FIGN: variants seen among roughly 807,000 people sequenced by gnomAD.
FIGN encodes fidgetin.
Under a neutral mutation model 51.3 loss-of-function variants are expected in FIGN, and 11 were observed. That is an observed-to-expected ratio of 0.21 (90% confidence interval 0.13 to 0.35). FIGN has a LOEUF of 0.35. FIGN is among the 10% of genes least tolerant of loss of function. The pLI is 1.00. For missense variants in FIGN, 857 were observed against 943.6 expected (o/e 0.91, Z 1.20); for synonymous variants, 407 against 363.2 (o/e 1.12, Z -1.37).
At position 163,714,872 on chromosome 2, in the gene FIGN, C is replaced by T. The variant is rs73974383; in HGVS notation, c.25+20031G>A. Among the ~76,000 whole-genome samples, 428 of 152,230 alleles carry T rather than the reference C, an allele frequency of 2.8e-3. 1 individual carries two copies. Among genetic ancestry groups the T allele is most frequent in the African/African-American group, 9.9e-3 (413 of 41,526 alleles). On this transcript the variant is annotated intron_variant, in intron 2 of 2. Coordinates refer to ENST00000333129, the MANE Select transcript of FIGN (RefSeq NM_018086.4). ...AAGTTTAAAACAATGACCACTATAG[C>T]ATTCCAAATTAAACATTTATGCATA...
intron 2 of FIGN, among the ~76,000 whole-genome samples, chr2:163,720,593 C>T (rs1026332162): frequency 6.6e-6 from 1 of 152,126 alleles, no homozygotes; most frequent in African/African-American, 2.4e-5. Context: ...TCAAACCAAA[C>T]TTAACCCCTA....
chr2:163,629,723 A>G (rs1683114572), intron 2 of FIGN, among the ~76,000 whole-genome samples: 1 of 152,112 alleles, frequency 6.6e-6, no homozygotes, highest in Admixed American at 6.6e-5. Flanking sequence ...CAGAGACCAT[A>G]TGGCCCACAT....
intron 2 of FIGN, among the ~76,000 whole-genome samples, chr2:163,674,749 CTT>C (rs1024761200): frequency 2.6e-5 from 4 of 151,932 alleles, no homozygotes; most frequent in African/African-American, 9.7e-5. Flanking sequence ...TTTTGGATTT[CTT>C]TAGTGCCTTC....
intron 2 of FIGN, among the ~76,000 whole-genome samples, chr2:163,669,464 C>G (rs775793225): frequency 6.6e-6 from 1 of 152,316 alleles, no homozygotes; most frequent in African/African-American, 2.4e-5. Context: ...AATAAGAATG[C>G]ATTTCTATCC....
intron 2 of FIGN, among the ~76,000 whole-genome samples, chr2:163,714,669 T>G (rs536912195): frequency 3.4e-4 from 52 of 152,332 alleles, no homozygotes; most frequent in Non-Finnish European, 7.2e-4. Context: ...CTGATTAGCA[T>G]CTTCCAACTT....
chr2:163,663,903 A>G (rs1051661441), intron 2 of FIGN, among the ~76,000 whole-genome samples: 6 of 151,952 alleles, frequency 3.9e-5, no homozygotes, highest in South Asian at 2.1e-4. Flanking sequence ...GAAAAGAAAA[A>G]AAAAAGATAG....
At chr2:163,641,442 T>C (rs147732123) in intron 2 of FIGN, among the ~76,000 whole-genome samples, 99 of 152,312 alleles carry the variant, frequency 6.5e-4, no homozygotes, top group African/African-American at 2.4e-3. Flanking sequence ...TGTACGCCAT[T>C]AGTTTAGCCC....
chr2:163,616,621 A>T (rs1682881879), intron 2 of FIGN, among the ~76,000 whole-genome samples: 1 of 152,138 alleles, frequency 6.6e-6, no homozygotes, highest in Non-Finnish European at 1.5e-5. Context: ...TAGCACTCAC[A>T]CAGGCCTGCA....
At position 163,727,686 on chromosome 2, in the gene FIGN, C is replaced by T. The variant is rs143157056; in HGVS notation, c.25+7217G>A. The stretch of plus-strand genomic sequence containing the variant: ...TAAAAGAATAGTTACTTTTTCCAAG[C>T]TCTTTGATATTTCCCTTCCTGGCAG... On this transcript the variant is annotated intron_variant, in intron 2 of 2. Coordinates refer to ENST00000333129, the MANE Select transcript of FIGN (RefSeq NM_018086.4). Among the ~76,000 whole-genome samples, 246 of 152,276 alleles carry T rather than the reference C, an allele frequency of 1.6e-3. 1 individual carries two copies. The highest frequency in any genetic ancestry group is 5.8e-3 in the African/African-American group (239 of 41,558).
chr2:163,712,191 A>G (rs1193273082), intron 2 of FIGN, among the ~76,000 whole-genome samples: 2 of 152,248 alleles, frequency 1.3e-5, no homozygotes, highest in Admixed American at 6.5e-5. Flanking sequence ...CCACTGAAGC[A>G]ATAACTGCTC....
chr2:163,710,558 A>G (rs189967497), intron 2 of FIGN, among the ~76,000 whole-genome samples: 37 of 152,358 alleles, frequency 2.4e-4, no homozygotes, highest in African/African-American at 8.7e-4. Flanking sequence ...AAAGTAAAGC[A>G]AAATGCAGGC....
chr2:163,612,374 C>G (rs1378808821), intron 2 of FIGN: 1 of 985,198 alleles, frequency 1.0e-6, no homozygotes, highest in Non-Finnish European at 1.2e-6. Context: ...GTATAATGCT[C>G]CCTGCGCAGA....
chr2:163,697,768 A>T (rs1292541447), intron 2 of FIGN, among the ~76,000 whole-genome samples: 1 of 152,234 alleles, frequency 6.6e-6, no homozygotes, highest in Admixed American at 6.5e-5. Context: ...TGTATAAAAT[A>T]GAGATAATAA....
At chr2:163,728,561 A>C (rs191448199) in intron 2 of FIGN, among the ~76,000 whole-genome samples, 78 of 152,306 alleles carry the variant, frequency 5.1e-4, no homozygotes, top group African/African-American at 1.6e-3. Flanking sequence ...AAAGAGCAGG[A>C]GATACTTAAT....
chr2:163,673,146 T>A (rs1683905390), intron 2 of FIGN, among the ~76,000 whole-genome samples: 1 of 152,094 alleles, frequency 6.6e-6, no homozygotes, highest in African/African-American at 2.4e-5. Context: ...AGTAGGAAGC[T>A]TTTAAAATTA....
At chr2:163,675,585 G>C in intron 2 of FIGN, among the ~76,000 whole-genome samples, 1 of 152,178 alleles carries the variant, frequency 6.6e-6, no homozygotes, top group South Asian at 2.1e-4. Flanking sequence ...CGCTGACCCA[G>C]ACTCAGAGCT....
chr2:163,697,100 CTTTCTTT>C (rs1448992336), intron 2 of FIGN, among the ~76,000 whole-genome samples: 9 of 108,432 alleles, frequency 8.3e-5, no homozygotes, highest in Admixed American at 6.0e-4. Flanking sequence ...CTTTTCTTTT[CTTTCTTT>C]TTTTTTTTTT....
intron 2 of FIGN, among the ~76,000 whole-genome samples, chr2:163,648,974 A>T (rs116611138): frequency 0.067 from 10,235 of 152,136 alleles, 467 homozygotes; most frequent in African/African-American, 0.12. Flanking sequence ...TTAATTTTTT[A>T]AAACAAATCC....
rs188142680 is a variant in FIGN, at chr2:163,687,098, A to T, written c.25+47805T>A. ...TGGTATTATCAAAATGATAAAGTTCATATCATGATTCTCAGAGGCATTTGG... is the reference window on the plus strand; with the variant it reads ...TGGTATTATCAAAATGATAAAGTTCTTATCATGATTCTCAGAGGCATTTGG... On this transcript the variant is annotated intron_variant, in intron 2 of 2. Transcript: ENST00000333129. Among the ~76,000 whole-genome samples, 16 of 152,318 alleles carry T rather than the reference A, an allele frequency of 1.1e-4. No individual in the cohort carries two copies. The East Asian group carries it at 3.1e-3, about 29-fold the overall frequency.
Sources: allele counts gnomAD v4.1 joint callset (sites outside exome capture counted in the v4.1 genomes callset), GRCh38; gene constraint gnomAD v4.1.1; transcripts MANE v1.5; gene names NCBI Gene and HGNC (gene_info 2026-07-23, HGNC 2026-07-21).